Variants in DOCK3 observed in about 807,000 individuals in gnomAD.
DOCK3 encodes the protein dedicator of cytokinesis protein 3.
A neutral mutation model predicts 265.6 loss-of-function variants in DOCK3; 60 were observed. The observed-to-expected ratio is 0.23, with a 90% CI of 0.18 to 0.28. The LOEUF is 0.28. Ranked by LOEUF, DOCK3 falls within the 10% of genes least tolerant of loss-of-function variation. DOCK3 has a pLI of 1.00. For missense variants in DOCK3, 1,981 were observed against 2,594.3 expected, an observed-to-expected ratio of 0.76 and a Z score of 5.14; for synonymous variants, 881 against 938.0, an observed-to-expected ratio of 0.94 and a Z score of 1.11.
At chr3:50,892,811 TC>T (rs371934682) in intron 4 of DOCK3, among the ~76,000 whole-genome samples, 73 of 152,020 alleles carry the variant, frequency 4.8e-4, no homozygotes, top group African/African-American at 1.7e-3. Flanking sequence ...AATGCATCAC[TC>T]TAGAAAAAAG....
At chr3:50,925,749 G>T (rs1209687697) in intron 4 of DOCK3, among the ~76,000 whole-genome samples, 1 of 151,820 alleles carries the variant, frequency 6.6e-6, no homozygotes, top group East Asian at 1.9e-4. Flanking sequence ...GATTGGTTGG[G>T]TGAGTGATGG....
At chr3:51,134,024 T>C (rs1201620149) in intron 9 of DOCK3, among the ~76,000 whole-genome samples, 1 of 152,180 alleles carries the variant, frequency 6.6e-6, no homozygotes, top group Non-Finnish European at 1.5e-5. Context: ...AGTGAGAACA[T>C]GTAGTGTTTG....
At chr3:50,835,341 TG>T (rs1490539908) in intron 2 of DOCK3, among the ~76,000 whole-genome samples, 1 of 152,232 alleles carries the variant, frequency 6.6e-6, no homozygotes, top group Non-Finnish European at 1.5e-5. Flanking sequence ...TAAAAGGCAT[TG>T]CACTTTTTAC....
intron 32 of DOCK3, among the ~76,000 whole-genome samples, chr3:51,327,112 A>G (rs539826644): frequency 6.6e-6 from 1 of 152,264 alleles, no homozygotes; most frequent in Non-Finnish European, 1.5e-5. Flanking sequence ...TGTTCCATCT[A>G]AGCAATCACC....
chr3:51,150,090 T>A (rs995213978), intron 10 of DOCK3, among the ~76,000 whole-genome samples: 1 of 152,206 alleles, frequency 6.6e-6, no homozygotes, highest in Non-Finnish European at 1.5e-5. Context: ...GTCCAGGAAT[T>A]TATCCATTTC....
chr3:51,043,926 A>G (rs1288314079), intron 5 of DOCK3, among the ~76,000 whole-genome samples: 1 of 152,154 alleles, frequency 6.6e-6, no homozygotes, highest in Non-Finnish European at 1.5e-5. Flanking sequence ...TCAAAAAATA[A>G]CAGATGCTGG....
intron 49 of DOCK3, among the ~76,000 whole-genome samples, chr3:51,371,171 G>C (rs984431782): frequency 2.0e-5 from 3 of 152,252 alleles, no homozygotes; most frequent in African/African-American, 7.2e-5. Flanking sequence ...GGAATGGTGT[G>C]TGTGTTTTGG....
chr3:50,959,558 G>GTGTGTA (rs1197225474), intron 5 of DOCK3, among the ~76,000 whole-genome samples: 10 of 139,496 alleles, frequency 7.2e-5, no homozygotes, highest in South Asian at 2.4e-4. Context: ...GTGTGTGTGT[G>GTGTGTA]TATATATATA....
intron 9 of DOCK3, among the ~76,000 whole-genome samples, chr3:51,113,613 G>A (rs1411815183): frequency 6.6e-6 from 1 of 152,142 alleles, no homozygotes. Flanking sequence ...CTGAGACACT[G>A]CAAGACCCCA....
At chr3:51,204,012 A>G (rs1326683289) in intron 12 of DOCK3, among the ~76,000 whole-genome samples, 5 of 151,774 alleles carry the variant, frequency 3.3e-5, no homozygotes, top group African/African-American at 1.2e-4. Context: ...ACAAAAATCA[A>G]TTCAAGATGG....
intron 19 of DOCK3, among the ~76,000 whole-genome samples, chr3:51,236,111 G>A (rs934835869): frequency 1.3e-5 from 2 of 152,210 alleles, no homozygotes; most frequent in South Asian, 2.1e-4. Flanking sequence ...AACAGGAAGA[G>A]CCTCTCTAAG....
chr3:51,200,486 GAAAC>G (rs988009663), intron 12 of DOCK3, among the ~76,000 whole-genome samples: 8 of 131,144 alleles, frequency 6.1e-5, no homozygotes, highest in East Asian at 2.3e-4. Context: ...AGAATAAAAA[GAAAC>G]AAACAAAGCC....
intron 19 of DOCK3, among the ~76,000 whole-genome samples, chr3:51,235,572 A>G (rs1034381472): frequency 6.6e-6 from 1 of 152,140 alleles, no homozygotes; most frequent in Admixed American, 6.5e-5. Flanking sequence ...CCATTAACCC[A>G]TGGCCAGTCT....
intron 2 of DOCK3, among the ~76,000 whole-genome samples, chr3:50,828,390 T>A (rs1299227381): frequency 6.6e-6 from 1 of 152,100 alleles, no homozygotes; most frequent in Non-Finnish European, 1.5e-5. Context: ...TTGCCCACAT[T>A]TTTTACCCTT....
intron 40 of DOCK3, among the ~76,000 whole-genome samples, chr3:51,352,557 A>G: frequency 6.6e-6 from 1 of 152,244 alleles, no homozygotes; most frequent in East Asian, 1.9e-4. Context: ...ATGGAGGAAA[A>G]ATAACAAGAG....
chr3:51,327,320 G>A (rs2109898505), intron 32 of DOCK3, among the ~76,000 whole-genome samples: 1 of 152,252 alleles, frequency 6.6e-6, no homozygotes, highest in Non-Finnish European at 1.5e-5. Context: ...ACACCAAAGA[G>A]GAATGTTACC....
intron 1 of DOCK3, among the ~76,000 whole-genome samples, chr3:50,719,029 C>T (rs979176694): frequency 6.6e-6 from 1 of 152,016 alleles, no homozygotes; most frequent in Non-Finnish European, 1.5e-5. Context: ...CGTGATCCGC[C>T]CACCTCAGCC....
chr3:50,892,403 A>G (rs1457859822), intron 4 of DOCK3, among the ~76,000 whole-genome samples: 10 of 152,222 alleles, frequency 6.6e-5, no homozygotes, highest in Non-Finnish European at 1.2e-4. Context: ...CCAGTGAAGA[A>G]GTCGCAGTAC....
At chr3:50,707,102 C>T (rs1387326253) in intron 1 of DOCK3, among the ~76,000 whole-genome samples, 6 of 152,108 alleles carry the variant, frequency 3.9e-5, no homozygotes, top group African/African-American at 1.2e-4. Context: ...TGCCTTCTGC[C>T]GTGAGTAAAA....
Sources: gnomAD v4.1 joint callset for allele counts (sites outside exome capture counted in the v4.1 genomes callset) on GRCh38, gnomAD v4.1.1 for gene constraint, MANE v1.5 for transcripts, NCBI Gene and HGNC (gene_info 2026-07-23, HGNC 2026-07-21) for gene names.